PLCE1: variants seen among roughly 807,000 people sequenced by gnomAD.
The protein encoded by PLCE1 is 1-phosphatidylinositol 4,5-bisphosphate phosphodiesterase epsilon-1.
A neutral mutation model predicts 242.8 loss-of-function variants in PLCE1; 119 were observed. That is an observed-to-expected ratio of 0.49 (90% confidence interval 0.42 to 0.57). The LOEUF is 0.57. Ranked by LOEUF, PLCE1 falls within the 20% of genes least tolerant of loss-of-function variation. The pLI, the probability that PLCE1 is intolerant of heterozygous loss-of-function variation, is 0.00. For synonymous variants in PLCE1, 945 were observed against 1,017.4 expected (o/e 0.93, Z 1.35); for missense variants, 2,441 against 2,788.8 (o/e 0.88, Z 2.81).
rs377113732 is a variant in PLCE1 at position 94,031,624 on chromosome 10, T to C, written c.578T>C (p.Val193Ala). Reference protein sequence around the residue: ...RRAVFHFHYEVDRRMSDTFCT... With the variant: ...RRAVFHFHYEADRRMSDTFCT... Reference sequence around the variant, plus strand: ...GCAGTATTTCATTTTCATTATGAAGTTGACAGAAGAATGTCAGACACTTTC... The same window carrying C: ...GCAGTATTTCATTTTCATTATGAAGCTGACAGAAGAATGTCAGACACTTTC... The change falls in exon 2 of 33, where the codon GTT becomes GCT. Residue 193 changes from valine to alanine, a missense_variant. By Grantham distance (64) the Val-to-Ala change is moderately conservative (BLOSUM62 0). Around this residue, in one of 5 missense-constraint regions of PLCE1, gnomAD observed 393 missense variants for 378.5 expected, o/e 1.04. Coordinates refer to ENST00000371380, the MANE Select transcript of PLCE1 (RefSeq NM_016341.4). The C allele has an allele frequency of 4.3e-5, 69 of 1,613,622 alleles. 1 individual carries two copies. The East Asian group carries it at 1.2e-3, about 28-fold the overall frequency.
intron 24 of PLCE1, among the ~76,000 whole-genome samples, chr10:94,303,535 T>C (rs1272397703): frequency 6.6e-6 from 1 of 152,220 alleles, no homozygotes; most frequent in African/African-American, 2.4e-5. Context: ...TTTACGATTT[T>C]TTAAAAAGAA....
chr10:94,099,216 A>G (rs1694867699), intron 2 of PLCE1, among the ~76,000 whole-genome samples: 1 of 152,234 alleles, frequency 6.6e-6, no homozygotes, highest in South Asian at 2.1e-4. Flanking sequence ...AATAGCGAGG[A>G]AAAACTCTGC....
At chr10:94,109,697 A>T (rs995839085) in intron 2 of PLCE1, among the ~76,000 whole-genome samples, 1 of 152,332 alleles carries the variant, frequency 6.6e-6, no homozygotes, top group East Asian at 1.9e-4. Context: ...CTTATAAGAA[A>T]GGTATTCTAC....
At chr10:94,259,232 A>C in intron 13 of PLCE1, 82 bp downstream of exon 13, 1 of 1,378,622 alleles carries the variant, frequency 7.3e-7, no homozygotes, top group Non-Finnish European at 1.0e-6. Flanking sequence ...ACAAACTCTG[A>C]GCCTGTCCCA....
chr10:94,223,713 G>A lies in PLCE1; in HGVS notation c.1810-3593G>A, dbSNP rs188442829. 2.0e-5 allele frequency among the ~76,000 whole-genome samples: 3 copies of A among 152,182 alleles called. No individual in the cohort carries two copies. In the East Asian group the frequency reaches 5.8e-4, roughly 29 times the overall value. On this transcript the variant is annotated intron_variant, in intron 4 of 32. Transcript: ENST00000371380. ...GAGGTGCTTAAAGAATTGGGCTGGG[G>A]GCCAGATTCTCTCCTCATTCTGTGC...
At chr10:94,255,876 T>TCACA (rs1491375577) in intron 11 of PLCE1, among the ~76,000 whole-genome samples, 15 of 116,414 alleles carry the variant, frequency 1.3e-4, no homozygotes, top group Non-Finnish European at 2.0e-4. Flanking sequence ...CTTTACTTTA[T>TCACA]CTCACACACA....
intron 7 of PLCE1, among the ~76,000 whole-genome samples, chr10:94,238,447 C>T (rs2050394588): frequency 6.6e-6 from 1 of 152,136 alleles, no homozygotes; most frequent in Admixed American, 6.5e-5. Context: ...ACCATGTGTT[C>T]AGTCACAGGG....
intron 1 of PLCE1, among the ~76,000 whole-genome samples, chr10:94,007,251 C>T (rs1050419517): frequency 6.6e-6 from 1 of 151,698 alleles, no homozygotes; most frequent in Non-Finnish European, 1.5e-5. Context: ...AGGACTGTAG[C>T]TCCAAGGAAA....
At chr10:94,133,201 A>G (rs1457537001) in intron 3 of PLCE1, among the ~76,000 whole-genome samples, 9 of 152,180 alleles carry the variant, frequency 5.9e-5, no homozygotes, top group Non-Finnish European at 1.2e-4. Context: ...ATAGGTGTCT[A>G]TTGACCAGAA....
intron 4 of PLCE1, among the ~76,000 whole-genome samples, chr10:94,222,717 G>C (rs2049797185): frequency 1.3e-5 from 2 of 152,158 alleles, no homozygotes; most frequent in South Asian, 4.1e-4. Flanking sequence ...GTGTGCCAGA[G>C]TATGTATACC....
chr10:94,200,203 A>G (rs2048950422), intron 4 of PLCE1, among the ~76,000 whole-genome samples: 1 of 152,222 alleles, frequency 6.6e-6, no homozygotes, highest in Non-Finnish European at 1.5e-5. Context: ...CAACAAGGAC[A>G]CCTTGTGCTC....
At position 94,095,010 on chromosome 10, in the gene PLCE1, A is replaced by T. The variant is rs574590243; in HGVS notation, c.1207-37164A>T. Among the ~76,000 whole-genome samples, 8 of 152,312 alleles carry T rather than the reference A, an allele frequency of 5.3e-5. No individual in the cohort carries two copies. In the South Asian group the frequency reaches 1.7e-3, roughly 32 times the overall value. On this transcript the variant is annotated intron_variant, in intron 2 of 32. Coordinates refer to ENST00000371380, the MANE Select transcript of PLCE1 (RefSeq NM_016341.4). ...CTTTTCTTACATGGCTACTCCACAAACTGTTTCCAACTGCTGGTAACTGCA... is the reference window on the plus strand; with the variant it reads ...CTTTTCTTACATGGCTACTCCACAATCTGTTTCCAACTGCTGGTAACTGCA...
At chr10:94,023,209 G>T (rs192391327) in intron 1 of PLCE1, among the ~76,000 whole-genome samples, 1 of 152,120 alleles carries the variant, frequency 6.6e-6, no homozygotes, top group South Asian at 2.1e-4. Context: ...GAAGGGAAAT[G>T]CACAGAGGCA....
chr10:94,162,025 A>G (rs1212926304), intron 3 of PLCE1, among the ~76,000 whole-genome samples: 2 of 152,188 alleles, frequency 1.3e-5, no homozygotes, highest in African/African-American at 4.8e-5. Flanking sequence ...CATGGTGGAT[A>G]AGCTTTTTGA....
chr10:94,302,369 C>T (rs1431788010), intron 24 of PLCE1, among the ~76,000 whole-genome samples: 1 of 152,098 alleles, frequency 6.6e-6, no homozygotes, highest in Non-Finnish European at 1.5e-5. Flanking sequence ...CATATGTACC[C>T]CGGAACTTAA....
intron 4 of PLCE1, among the ~76,000 whole-genome samples, chr10:94,220,193 TAC>T (rs1033819400): frequency 6.7e-6 from 1 of 148,870 alleles, no homozygotes. Flanking sequence ...CATACATACA[TAC>T]ACACACACAT....
At chr10:94,266,049 T>C (rs2051503316) in intron 16 of PLCE1, 91 bp downstream of exon 16, 3 of 1,183,466 alleles carry the variant, frequency 2.5e-6, no homozygotes, top group South Asian at 2.5e-5. Flanking sequence ...CCAGACTCCT[T>C]TGAAGAGCTT....
rs1359169206 is a variant in PLCE1 at position 94,265,866 on chromosome 10, C to T, written c.4189C>T (p.Pro1397Ser). 3 of 1,613,980 alleles carry T rather than the reference C, an allele frequency of 1.9e-6. No homozygotes were observed. Among genetic ancestry groups the T allele is most frequent in the Non-Finnish European group, 2.5e-6 (3 of 1,179,914 alleles). The part of the protein sequence containing the change: ...SQENIKELQL[P>S]LSYYYIESSH... ...GGAGAACATTAAAGAACTGCAGCTA[C>T]CCCTCTCATACTATTACATCGAATC... The change falls in exon 16 of 33, where the codon CCC (proline) becomes TCC (serine). Residue 1397 changes from proline (P) to serine (S), a missense_variant. Physicochemically the swap from Pro to Ser is moderately conservative, Grantham distance 74 (BLOSUM62 -1). This residue lies in a region of PLCE1 where 1,004 missense variants were observed against 1,322.7 expected (regional missense o/e 0.76). Coordinates refer to ENST00000371380, the MANE Select transcript of PLCE1 (RefSeq NM_016341.4).
chr10:94,078,922 G>A (rs1043239276), intron 2 of PLCE1, among the ~76,000 whole-genome samples: 1 of 152,180 alleles, frequency 6.6e-6, no homozygotes, highest in Admixed American at 6.5e-5. Flanking sequence ...TATCTGCAGG[G>A]AATGGGCTTC....
Sources: gnomAD v4.1 joint callset for allele counts (sites outside exome capture counted in the v4.1 genomes callset) on GRCh38, gnomAD v4.1.1 for gene constraint, gnomAD v4.1.1 regional missense constraint, MANE v1.5 for transcripts, NCBI Gene and HGNC (gene_info 2026-07-23, HGNC 2026-07-21) for gene names.